The following PDE7B variants were observed in gnomAD, a reference collection of about 807,000 sequenced individuals.
The protein encoded by PDE7B is phosphodiesterase 7B.
Under a neutral mutation model 56.2 loss-of-function variants are expected in PDE7B, and 29 were observed. The ratio of observed to expected loss-of-function variants is 0.52; its 90% confidence interval spans 0.38 to 0.70. The LOEUF (loss-of-function observed/expected upper bound fraction) is 0.70. Among genes scored for constraint, PDE7B ranks in the 30% least tolerant of loss-of-function variants. The pLI, the probability that PDE7B is intolerant of heterozygous loss-of-function variation, is 0.00. For synonymous variants in PDE7B, 197 were observed against 196.9 expected (o/e 1.00, Z 0.00); for missense variants, 490 against 565.0 (o/e 0.87, Z 1.35).
chr6:136,191,023 T>TTTTTTTTTTTTTTTC (rs1779214570), intron 12 of PDE7B, among the ~76,000 whole-genome samples: 1 of 147,542 alleles, frequency 6.8e-6, no homozygotes, highest in African/African-American at 2.6e-5. Flanking sequence ...CTTTTTTTTT[T>TTTTTTTTTTTTTTTC]TTTTTTTTTT....
intron 2 of PDE7B, among the ~76,000 whole-genome samples, chr6:135,955,263 G>A (rs1356960755): frequency 6.6e-6 from 1 of 151,838 alleles, no homozygotes; most frequent in Admixed American, 6.6e-5. Context: ...ACAATCAGGA[G>A]AGCCCAGGTC....
intron 1 of PDE7B, among the ~76,000 whole-genome samples, chr6:135,892,168 G>T (rs767359892): frequency 2.0e-5 from 3 of 152,086 alleles, no homozygotes; most frequent in Non-Finnish European, 2.9e-5. Flanking sequence ...AGTGGTATTT[G>T]TAGAAATAAG....
intron 1 of PDE7B, among the ~76,000 whole-genome samples, chr6:135,892,350 A>T (rs1775823499): frequency 6.6e-6 from 1 of 152,152 alleles, no homozygotes; most frequent in African/African-American, 2.4e-5. Context: ...GACTTCAAGT[A>T]CCTTCCCAAG....
chr6:135,951,177 G>A (rs1286609702), intron 2 of PDE7B, among the ~76,000 whole-genome samples: 2 of 152,140 alleles, frequency 1.3e-5, no homozygotes, highest in Admixed American at 6.6e-5. Flanking sequence ...TTAGGGAAAT[G>A]TGTGTAGAGC....
intron 2 of PDE7B, among the ~76,000 whole-genome samples, chr6:136,046,531 T>G (rs1583846857): frequency 6.6e-6 from 1 of 152,324 alleles, no homozygotes; most frequent in East Asian, 1.9e-4. Flanking sequence ...CACATACCTA[T>G]CCAATGTTTC....
At chr6:136,161,620 A>C (rs1778705322) in intron 8 of PDE7B, among the ~76,000 whole-genome samples, 1 of 152,234 alleles carries the variant, frequency 6.6e-6, no homozygotes, top group South Asian at 2.1e-4. Context: ...CCATTGCAGT[A>C]ATAATTTTAA....
intron 2 of PDE7B, among the ~76,000 whole-genome samples, chr6:136,006,569 G>C (rs147527730): frequency 6.6e-6 from 1 of 152,082 alleles, no homozygotes; most frequent in African/African-American, 2.4e-5. Flanking sequence ...CCATTTGTTT[G>C]TCATATCTAG....
intron 2 of PDE7B, among the ~76,000 whole-genome samples, chr6:135,968,749 C>A (rs1002971660): frequency 6.6e-6 from 1 of 152,084 alleles, no homozygotes; most frequent in African/African-American, 2.4e-5. Context: ...AGACCTAGAA[C>A]CAGAAATACC....
At chr6:135,870,260 T>C (rs1317391986) in intron 1 of PDE7B, among the ~76,000 whole-genome samples, 1 of 152,128 alleles carries the variant, frequency 6.6e-6, no homozygotes, top group Non-Finnish European at 1.5e-5. Context: ...GAGGCAGCAA[T>C]ACACAATGCT....
intron 1 of PDE7B, among the ~76,000 whole-genome samples, chr6:135,944,473 G>A (rs1307358996): frequency 3.9e-5 from 6 of 152,052 alleles, no homozygotes; most frequent in Non-Finnish European, 8.8e-5. Flanking sequence ...CCATCATCAG[G>A]TAACTTTACA....
At chr6:136,148,284 A>T (rs955402695) in intron 4 of PDE7B, among the ~76,000 whole-genome samples, 5 of 151,766 alleles carry the variant, frequency 3.3e-5, no homozygotes, top group Non-Finnish European at 5.9e-5. Context: ...TAAGCTCAGG[A>T]GGTTGAGGCT....
chr6:136,156,249 G>C (rs1322548968), intron 8 of PDE7B, among the ~76,000 whole-genome samples: 1 of 151,368 alleles, frequency 6.6e-6, no homozygotes, highest in East Asian at 1.9e-4. Flanking sequence ...GAGTGCAATA[G>C]TGCAATCATA....
intron 2 of PDE7B, among the ~76,000 whole-genome samples, chr6:135,973,279 G>T (rs1186357314): frequency 1.3e-5 from 2 of 151,998 alleles, no homozygotes; most frequent in Non-Finnish European, 1.5e-5. Context: ...TGTCCTCCAG[G>T]TTCTTCCATG....
intron 2 of PDE7B, among the ~76,000 whole-genome samples, chr6:136,091,816 A>T (rs370638931): frequency 0.024 from 3,538 of 149,796 alleles, 135 homozygotes; most frequent in African/African-American, 0.081. Flanking sequence ...GGAATCAAAT[A>T]TTTTTTTTTT....
Position 136,154,161 on chromosome 6 carries a change from C to T in PDE7B, c.565C>T (p.Leu189=), listed in dbSNP as rs1187519638. The change falls in exon 7 of 13, where the codon CTG becomes TTG. Residue 189 remains leucine (L), a synonymous_variant. Transcript: ENST00000308191. ...ADVTQAMHCY[L]KEPKLASFLT... Reference sequence around the variant, plus strand: ...CGTCACCCAGGCCATGCACTGCTACCTGAAAGAGCCAAAGGTAAGACAAGA... The same window carrying T: ...CGTCACCCAGGCCATGCACTGCTACTTGAAAGAGCCAAAGGTAAGACAAGA... The T allele has an allele frequency of 6.2e-7, 1 of 1,611,600 alleles. No individual in the cohort carries two copies. Among genetic ancestry groups the T allele is most frequent in the Non-Finnish European group, 8.5e-7 (1 of 1,177,846 alleles).
intron 2 of PDE7B, among the ~76,000 whole-genome samples, chr6:136,016,202 T>A (rs771828777): frequency 2.0e-5 from 3 of 152,184 alleles, no homozygotes. Flanking sequence ...ATCTGTGCAA[T>A]AAGGATAATA....
intron 2 of PDE7B, among the ~76,000 whole-genome samples, chr6:136,041,180 T>C (rs1339831843): frequency 2.6e-5 from 4 of 152,208 alleles, no homozygotes; most frequent in African/African-American, 9.7e-5. Context: ...TTAATGTGTT[T>C]AATGGAACCT....
chr6:136,068,106 G>A (rs1267758672), intron 2 of PDE7B, among the ~76,000 whole-genome samples: 1 of 152,182 alleles, frequency 6.6e-6, no homozygotes, highest in East Asian at 1.9e-4. Context: ...GAGTTAGTCC[G>A]AGCCAAATAT....
chr6:136,169,103 G>GT (rs576734062), intron 8 of PDE7B, among the ~76,000 whole-genome samples: 1 of 152,078 alleles, frequency 6.6e-6, no homozygotes, highest in South Asian at 2.1e-4. Context: ...AGAAACCTGA[G>GT]TTTTTTATGA....
Sources: allele counts gnomAD v4.1 joint callset (sites outside exome capture counted in the v4.1 genomes callset), GRCh38; gene constraint gnomAD v4.1.1; transcripts MANE v1.5; gene names NCBI Gene and HGNC (gene_info 2026-07-23, HGNC 2026-07-21).